Variants in IDH3A observed in about 807,000 individuals in gnomAD.
IDH3A encodes the protein isocitrate dehydrogenase [NAD] subunit alpha, mitochondrial.
IDH3A carries 23 observed loss-of-function variants against 43.3 expected under a neutral mutation model. The observed-to-expected ratio is 0.53, with a 90% confidence interval of 0.38 to 0.75. IDH3A has a LOEUF of 0.75. Among genes scored for constraint, IDH3A ranks in the 30% least tolerant of loss-of-function variants. The probability of loss-of-function intolerance (pLI) is 0.00; values close to 1 mark genes in which losing one functional copy is unlikely to be tolerated. For missense variants in IDH3A, 329 were observed against 474.4 expected, an observed-to-expected ratio of 0.69 and a Z score of 2.85; for synonymous variants, 154 against 163.5, an observed-to-expected ratio of 0.94 and a Z score of 0.44.
rs763491479 is a variant in IDH3A, at chr15:78,162,170, CCT to C, written c.478-61_478-60del. The C allele has an allele frequency of 1.0e-5, 16 of 1,588,204 alleles. No individual in the cohort carries two copies. The East Asian group carries it at 1.8e-4, about 18-fold the overall frequency. On this transcript the variant is annotated intron_variant, in intron 5 of 10. Transcript: ENST00000299518. Reference sequence around the variant, plus strand: ...ACAAATGTTACTGTCTACTCCCCACCCTCTGTCTCCCACTGCGTTGCTGTCAC... The same window carrying C: ...ACAAATGTTACTGTCTACTCCCCACCCTGTCTCCCACTGCGTTGCTGTCAC...
In IDH3A at chr15:78,169,676, G is replaced by C. The variant is rs910571225; in HGVS notation, c.*671G>C. 2 of 152,186 alleles carry C rather than the reference G, an allele frequency of 1.3e-5. No homozygotes were observed. The highest frequency in any genetic ancestry group is 4.8e-5 in the African/African-American group (2 of 41,452). 9.4% of individuals were successfully genotyped at this position (152,186 alleles called of 1,614,324 possible). Reference sequence around the variant, plus strand: ...ATATATTGGATACAAAGACACAAATGTATTGTGTGTTCAATTATTTTGTTG... The same window carrying C: ...ATATATTGGATACAAAGACACAAATCTATTGTGTGTTCAATTATTTTGTTG... On this transcript the variant is annotated 3_prime_UTR_variant, in exon 11 of 11. Coordinates refer to ENST00000299518, the MANE Select transcript of IDH3A (RefSeq NM_005530.3).
At chr15:78,165,951 C>T (rs142414510) in intron 9 of IDH3A, among the ~76,000 whole-genome samples, 199 bp from the exon 10 acceptor site, 2 of 152,234 alleles carry the variant, frequency 1.3e-5, no homozygotes, top group East Asian at 1.9e-4. Context: ...GGCCTATCAA[C>T]GTGTTGCGAT....
intron 5 of IDH3A, 153 bp from the exon 6 acceptor site, chr15:78,162,081 T>G (rs752077455): frequency 7.0e-5 from 52 of 743,940 alleles, no homozygotes; most frequent in Non-Finnish European, 1.0e-4. Context: ...GGAGTTAACA[T>G]GAACCCCATT....
chr15:78,163,669 G>A, intron 7 of IDH3A, 47 bp from the exon 8 acceptor site: 1 of 1,560,404 alleles, frequency 6.4e-7, no homozygotes, highest in Non-Finnish European at 8.8e-7. Context: ...TGTGTGTTGT[G>A]GGGATGCAGA....
At position 78,170,975 on chromosome 15, in the gene IDH3A, G is replaced by T. The variant is rs1183108011; in HGVS notation, c.*1970G>T. The T allele has an allele frequency of 6.5e-6, 1 of 153,670 alleles. No homozygotes were observed. The highest frequency in any genetic ancestry group is 1.9e-4 in the East Asian group (1 of 5,228). 9.5% of individuals were successfully genotyped at this position (153,670 alleles called of 1,614,324 possible). A position where few individuals can be genotyped will look rare whatever the true frequency, so the allele number is the denominator to read the frequency against. Reference sequence around the variant, plus strand: ...GGAGTGCCTGGTAATGGAATAATAGGGTCGGCGATGCCCGCCAAGATTCCA... The same window carrying T: ...GGAGTGCCTGGTAATGGAATAATAGTGTCGGCGATGCCCGCCAAGATTCCA... On this transcript the variant is annotated 3_prime_UTR_variant, in exon 11 of 11. Transcript: ENST00000299518.
In IDH3A at chr15:78,149,447, C is replaced by A. The variant is rs1466603806; in HGVS notation, c.27+17C>A. ...ATCTCTAAGGTGAGCGCTGGCAGGC[C>A]GGCGTGTGGCAGGCAGGCAGGCCGC... is the stretch of plus-strand genomic sequence containing the variant. On this transcript the variant is annotated intron_variant, in intron 1 of 10. Transcript: ENST00000299518. 2 of 1,534,654 alleles carry A rather than the reference C, an allele frequency of 1.3e-6. No homozygotes were observed. Among genetic ancestry groups the A allele is most frequent in the Non-Finnish European group, 8.7e-7 (1 of 1,147,528 alleles).
In IDH3A at chr15:78,171,394, C is replaced by G. The variant is rs376109337; in HGVS notation, c.*2389C>G. ...AAGAGACCTGGGGCTCAGGAAGAGGCTCGGAACGCCTGCCCTCTATTCTAT... is the reference window on the plus strand; with the variant it reads ...AAGAGACCTGGGGCTCAGGAAGAGGGTCGGAACGCCTGCCCTCTATTCTAT... On this transcript the variant is annotated 3_prime_UTR_variant, in exon 11 of 11. Transcript: ENST00000299518. 12 of 1,512,248 alleles carry G rather than the reference C, an allele frequency of 7.9e-6. No homozygotes were observed. The East Asian group carries it at 2.7e-4, about 34-fold the overall frequency. The allele number at this position is 1,512,248 out of a possible 1,614,324, so 93.7% of individuals were successfully genotyped here. A position where few individuals can be genotyped will look rare whatever the true frequency, so the allele number is the denominator to read the frequency against.
chr15:78,171,652 G>A lies in IDH3A; in HGVS notation c.*2647G>A, dbSNP rs1323373646. The stretch of plus-strand genomic sequence containing the variant: ...GGAATTAAGCCAGATAATCAGGACC[G>A]TCAGTAGCCAGCCTCCAAGACAGTG... On this transcript the variant is annotated 3_prime_UTR_variant, in exon 11 of 11. Transcript: ENST00000299518. 37 of 749,540 alleles carry A rather than the reference G, an allele frequency of 4.9e-5. 1 individual carries two copies. Among genetic ancestry groups the A allele is most frequent in the South Asian group, 3.3e-4 (20 of 60,066 alleles). The allele number at this position is 749,540 out of a possible 1,614,324, so 46.4% of individuals were successfully genotyped here. A position where few individuals can be genotyped will look rare whatever the true frequency, so the allele number is the denominator to read the frequency against.
chr15:78,164,287 TTCTC>T (rs555935847), intron 8 of IDH3A, among the ~76,000 whole-genome samples: 13 of 148,256 alleles, frequency 8.8e-5, no homozygotes, highest in Non-Finnish European at 1.2e-4. Context: ...TTGTCTGTGC[TTCTC>T]TCTCTCTCTC....
chr15:78,161,679 A>G lies in IDH3A; in HGVS notation c.388A>G (p.Ile130Val), dbSNP rs2074682600. ...LYANVRPCVS[I>V]EGYKTPYTDV... is the part of the protein sequence containing the mutation. ...CGCGAATGTCCGACCATGTGTCTCT[A>G]TCGAAGGCTATAAAACCCCTTACAC... Residue 130 changes from isoleucine to valine, a missense_variant, in exon 5 of 11, where the codon ATC becomes GTC. Transcript: ENST00000299518. This position sits in a 1 kb window ranked among gnomAD's most constrained non-coding sequence, Gnocchi z 4.8. The G allele has an allele frequency of 4.3e-6, 7 of 1,614,052 alleles. No homozygotes were observed. The highest frequency in any genetic ancestry group is 2.7e-5 in the African/African-American group (2 of 74,922).
Position 78,161,723 on chromosome 15 carries a change from C to T in IDH3A, c.432C>T (p.Thr144=), listed in dbSNP as rs768097810. Residue 144 remains threonine, a synonymous_variant, in exon 5 of 11, where the codon ACC becomes ACT. Coordinates refer to ENST00000299518, the MANE Select transcript of IDH3A (RefSeq NM_005530.3). This position sits in a 1 kb window ranked among gnomAD's most constrained non-coding sequence, Gnocchi z 4.8. The part of the protein sequence containing the change: ...KTPYTDVNIV[T]IRENTEGEYS... ...CTTACACCGATGTAAATATTGTGAC[C>T]ATTCGAGAGAACACAGAAGGAGAAT... The T allele has an allele frequency of 4.3e-6, 7 of 1,614,130 alleles. No homozygotes were observed. Among genetic ancestry groups the T allele is most frequent in the Non-Finnish European group, 5.9e-6 (7 of 1,179,996 alleles).
chr15:78,156,000 T>C (rs1431918564), intron 2 of IDH3A, among the ~76,000 whole-genome samples: 5 of 152,336 alleles, frequency 3.3e-5, no homozygotes, highest in Non-Finnish European at 1.5e-5. Flanking sequence ...ATAGTACATT[T>C]TTTCCTCCAT....
chr15:78,163,389 G>T, intron 6 of IDH3A, 118 bp from the exon 7 acceptor site: 2 of 644,152 alleles, frequency 3.1e-6, no homozygotes, highest in Non-Finnish European at 5.5e-6. Flanking sequence ...ATTGTAATTG[G>T]GATCAGGTAG....
At chr15:78,165,787 T>TA (rs1337539361) in intron 9 of IDH3A, among the ~76,000 whole-genome samples, 1 of 151,780 alleles carries the variant, frequency 6.6e-6, no homozygotes, top group Non-Finnish European at 1.5e-5. Flanking sequence ...CTGCTAGGCT[T>TA]AAGCAATCCT....
intron 5 of IDH3A, among the ~76,000 whole-genome samples, chr15:78,162,009 T>C (rs2074685568): frequency 6.6e-6 from 1 of 152,212 alleles, no homozygotes; most frequent in Admixed American, 6.5e-5. Flanking sequence ...CAGATGACTG[T>C]CTCTGCATCT....
intron 1 of IDH3A, among the ~76,000 whole-genome samples, chr15:78,151,860 A>G (rs1426802640): frequency 6.6e-6 from 1 of 152,108 alleles, no homozygotes; most frequent in Non-Finnish European, 1.5e-5. Flanking sequence ...TCAGCCTTCC[A>G]TGAAGCTGGG....
In IDH3A at chr15:78,155,286, T is replaced by C. The variant is rs779864572; in HGVS notation, c.90+11T>C. On this transcript the variant is annotated intron_variant, in intron 2 of 10. Coordinates refer to ENST00000299518, the MANE Select transcript of IDH3A (RefSeq NM_005530.3). The stretch of plus-strand genomic sequence containing the variant: ...GGTTTTACTGGTGGTGTGAGTATAA[T>C]TATGTCTTTTATTTTTTCCTTTTAG... The C allele has an allele frequency of 3.1e-5, 50 of 1,590,680 alleles. No individual in the cohort carries two copies. The highest frequency in any genetic ancestry group is 4.1e-5 in the Non-Finnish European group (48 of 1,160,992).
chr15:78,165,791 C>T (rs1244948513), intron 9 of IDH3A, among the ~76,000 whole-genome samples: 1 of 151,776 alleles, frequency 6.6e-6, no homozygotes, highest in Non-Finnish European at 1.5e-5. Flanking sequence ...TAGGCTTAAG[C>T]AATCCTCCTG....
intron 1 of IDH3A, among the ~76,000 whole-genome samples, chr15:78,154,122 A>G (rs1458093805): frequency 6.6e-6 from 1 of 152,000 alleles, no homozygotes; most frequent in African/African-American, 2.4e-5. Flanking sequence ...TCAAGGACTA[A>G]GTTATTAAAG....
Sources: allele counts gnomAD v4.1 joint callset (sites outside exome capture counted in the v4.1 genomes callset), GRCh38; gene constraint gnomAD v4.1.1; non-coding constraint Gnocchi (gnomAD v3.1); transcripts MANE v1.5; gene names NCBI Gene and HGNC (gene_info 2026-07-23, HGNC 2026-07-21).